The following RBFOX1 variants were observed in gnomAD, a reference collection of about 807,000 sequenced individuals.
RBFOX1 encodes RNA binding fox-1 homolog 1.
A neutral mutation model predicts 57.7 loss-of-function variants in RBFOX1; 8 were observed. That is an observed-to-expected ratio of 0.14 (90% CI 0.08 to 0.25). The LOEUF (loss-of-function observed/expected upper bound fraction) is 0.25, where lower values mean the gene tolerates loss of function less well. Ranked by LOEUF, RBFOX1 falls within the 10% of genes least tolerant of loss-of-function variation. RBFOX1 has a pLI of 1.00. For missense variants in RBFOX1, 611 were observed against 548.5 expected (o/e 1.11, Z -1.14); for synonymous variants, 326 against 222.4 (o/e 1.47, Z -4.15).
At chr16:6,873,091 T>G (rs1473515) in intron 3 of RBFOX1, among the ~76,000 whole-genome samples, 118,248 of 151,284 alleles carry the variant, frequency 0.78, 47,223 homozygotes, top group African/African-American at 0.94. Flanking sequence ...ATATGTACCT[T>G]GTATTTCTTA....
chr16:7,709,355 A>C, intron 15 of RBFOX1: 1 of 1,030,176 alleles, frequency 9.7e-7, no homozygotes. Flanking sequence ...TAATTTTGCA[A>C]GTCTCACCTA....
intron 3 of RBFOX1, among the ~76,000 whole-genome samples, chr16:6,680,117 T>TG (rs1452875356): frequency 6.6e-6 from 1 of 151,860 alleles, no homozygotes; most frequent in Non-Finnish European, 1.5e-5. Context: ...ATCTGTAAAA[T>TG]GGGGTCATAG....
At position 6,701,313 on chromosome 16, in the gene RBFOX1, T is replaced by C. The variant is rs543487299; in HGVS notation, c.-16+46663T>C. Among the ~76,000 whole-genome samples, 23 of 152,350 alleles carry C rather than the reference T, an allele frequency of 1.5e-4. No individual in the cohort carries two copies. The South Asian group carries it at 4.6e-3, about 30-fold the overall frequency. On this transcript the variant is annotated intron_variant, in intron 3 of 15. Transcript: ENST00000550418. ...TGACAGCTGTGGCTGCCTGCTGACG[T>C]CACCCCCTGCAGCTGGGTACGGGTA...
At chr16:6,318,222 C>A (rs1256088733) in intron 2 of RBFOX1, among the ~76,000 whole-genome samples, 2 of 152,180 alleles carry the variant, frequency 1.3e-5, no homozygotes, top group Non-Finnish European at 2.9e-5. Flanking sequence ...TTGTATCTCA[C>A]AGGAGATTAG....
At chr16:6,781,410 A>C (rs1414530123) in intron 3 of RBFOX1, among the ~76,000 whole-genome samples, 4 of 152,040 alleles carry the variant, frequency 2.6e-5, no homozygotes, top group African/African-American at 4.8e-5. Context: ...GTATTTGTCT[A>C]GTTTTGGCAT....
At chr16:5,246,750 A>G (rs568691767) in intron 1 of RBFOX1, among the ~76,000 whole-genome samples, 82 of 151,150 alleles carry the variant, frequency 5.4e-4, no homozygotes, top group African/African-American at 1.9e-3. Context: ...GGCTGACTGC[A>G]GCCTTGGCCT....
At chr16:6,716,099 A>C (rs1341271756) in intron 3 of RBFOX1, among the ~76,000 whole-genome samples, 1 of 152,176 alleles carries the variant, frequency 6.6e-6, no homozygotes, top group African/African-American at 2.4e-5. Context: ...GTGTTTTTGG[A>C]ATTAGATTGG....
intron 3 of RBFOX1, among the ~76,000 whole-genome samples, chr16:5,831,140 A>G (rs1333145949): frequency 3.3e-5 from 5 of 152,146 alleles, no homozygotes; most frequent in African/African-American, 1.2e-4. Context: ...CGTTCCGACC[A>G]CATCTCATAT....
chr16:6,892,405 C>G (rs772534350), intron 3 of RBFOX1, among the ~76,000 whole-genome samples: 4 of 152,152 alleles, frequency 2.6e-5, no homozygotes, highest in African/African-American at 9.7e-5. Flanking sequence ...CATGGTGGCT[C>G]ACACCTATAA....
At chr16:7,095,597 T>C (rs747316813) in intron 4 of RBFOX1, among the ~76,000 whole-genome samples, 1 of 152,246 alleles carries the variant, frequency 6.6e-6, no homozygotes, top group Non-Finnish European at 1.5e-5. Flanking sequence ...GTCTGAGCTT[T>C]CTCTATACTT....
intron 3 of RBFOX1, among the ~76,000 whole-genome samples, chr16:7,038,402 C>T (rs1284693905): frequency 2.0e-5 from 3 of 152,106 alleles, no homozygotes; most frequent in African/African-American, 4.8e-5. Context: ...GTAATAACTG[C>T]AATTGTTTTC....
At chr16:5,737,071 G>T (rs2052603982) in intron 3 of RBFOX1, among the ~76,000 whole-genome samples, 2 of 152,068 alleles carry the variant, frequency 1.3e-5, no homozygotes, top group African/African-American at 4.8e-5. Context: ...GGTACTGAGA[G>T]TGATGGTGAC....
intron 1 of RBFOX1, among the ~76,000 whole-genome samples, chr16:6,266,130 A>T (rs1054318204): frequency 5.3e-5 from 8 of 152,104 alleles, no homozygotes; most frequent in African/African-American, 1.9e-4. Context: ...CCTCTATCTG[A>T]CTCAACTTAT....
chr16:5,466,157 G>C lies in RBFOX1; in HGVS notation c.220-1059G>C, dbSNP rs1382115377. Among the ~76,000 whole-genome samples, 3 of 152,242 alleles carry C rather than the reference G, an allele frequency of 2.0e-5. 1 individual carries two copies. Among genetic ancestry groups the C allele is most frequent in the Non-Finnish European group, 4.4e-5 (3 of 68,046 alleles). ...ATTCTGGAATACGGCAGAAGCGCAA[G>C]CTTGCGTCAGAGAGAGAAAGAAAGA... On this transcript the variant is annotated intron_variant, in intron 1 of 2. Coordinates refer to the RBFOX1 transcript ENST00000585867.
chr16:7,419,359 A>C (rs938021533), intron 4 of RBFOX1, among the ~76,000 whole-genome samples: 4 of 152,256 alleles, frequency 2.6e-5, no homozygotes, highest in African/African-American at 9.6e-5. Flanking sequence ...CAATTCCAGG[A>C]GTCTCCACTG....
intron 3 of RBFOX1, among the ~76,000 whole-genome samples, chr16:7,022,029 T>TCCCCTCCCCTTCCCCC (rs1415016044): frequency 1.4e-4 from 1 of 7,146 alleles, no homozygotes; most frequent in Non-Finnish European, 2.0e-4. Flanking sequence ...CCCCCTCCCC[T>TCCCCTCCCCTTCCCCC]TCCCCTCCCC....
chr16:6,500,326 C>G (rs964763177), intron 2 of RBFOX1, among the ~76,000 whole-genome samples: 9 of 152,124 alleles, frequency 5.9e-5, no homozygotes, highest in African/African-American at 2.2e-4. Flanking sequence ...TTCTATTTTG[C>G]TGCACATGGA....
At chr16:5,573,872 T>A (rs759014341) in intron 2 of RBFOX1, among the ~76,000 whole-genome samples, 37 of 152,154 alleles carry the variant, frequency 2.4e-4, no homozygotes, top group Non-Finnish European at 2.1e-4. Flanking sequence ...GAGGATCACC[T>A]GAGCCTGGGA....
At chr16:5,952,473 G>T (rs534843248) in intron 4 of RBFOX1, among the ~76,000 whole-genome samples, 1 of 152,142 alleles carries the variant, frequency 6.6e-6, no homozygotes, top group East Asian at 1.9e-4. Flanking sequence ...TTTTAATAGA[G>T]ATGGGGTTTC....
Sources: gnomAD v4.1 joint callset for allele counts (sites outside exome capture counted in the v4.1 genomes callset) on GRCh38, gnomAD v4.1.1 for gene constraint, MANE v1.5 for transcripts, NCBI Gene and HGNC (gene_info 2026-07-23, HGNC 2026-07-21) for gene names.